Variants in MEGF9 observed in about 807,000 individuals in gnomAD.
The protein encoded by MEGF9 is multiple EGF like domains 9, also known as multiple epidermal growth factor-like domains protein 9.
A neutral mutation model predicts 46.8 loss-of-function variants in MEGF9; 6 were observed. That is an observed-to-expected ratio of 0.13 (90% CI 0.07 to 0.25). The LOEUF is 0.25. Ranked by LOEUF, MEGF9 falls within the 10% of genes least tolerant of loss-of-function variation. The probability of loss-of-function intolerance (pLI) is 1.00; values close to 1 mark genes in which losing one functional copy is unlikely to be tolerated. For synonymous variants in MEGF9, 302 were observed against 330.7 expected, an observed-to-expected ratio of 0.91 and a Z score of 0.94; for missense variants, 683 against 792.4, an observed-to-expected ratio of 0.86 and a Z score of 1.66.
chr9:120,713,684 GGCAAGA>G, intron 1 of MEGF9, 68 bp downstream of exon 1: 1 of 1,244,266 alleles, frequency 8.0e-7, no homozygotes, highest in Non-Finnish European at 1.0e-6. Flanking sequence ...ATAAATTATA[GGCAAGA>G]GCCCAACCCT....
Position 120,647,636 on chromosome 9 carries a change from T to TA in MEGF9, c.803+11737dup, listed in dbSNP as rs1036669483. 1.4e-4 allele frequency among the ~76,000 whole-genome samples: 21 copies of TA among 151,976 alleles called. No homozygotes were observed. In the East Asian group the frequency reaches 2.1e-3, roughly 15 times the overall value. On this transcript the variant is annotated intron_variant, in intron 2 of 5. Transcript: ENST00000373930. Reference sequence around the variant, plus strand: ...GGTACAGAGTAAAGTTATCTTAAAATAAAAAAAAGTGAAGTATTGTTCTGC... The same window carrying TA: ...GGTACAGAGTAAAGTTATCTTAAAATAAAAAAAAAGTGAAGTATTGTTCTGC...
intron 2 of MEGF9, among the ~76,000 whole-genome samples, chr9:120,624,359 C>T (rs1381390262): frequency 1.3e-5 from 2 of 152,106 alleles, no homozygotes; most frequent in Non-Finnish European, 2.9e-5. Flanking sequence ...CCTCAAGTAG[C>T]TGGGACTACA....
intron 1 of MEGF9, among the ~76,000 whole-genome samples, chr9:120,703,310 T>C (rs2043913472): frequency 6.6e-6 from 1 of 152,226 alleles, no homozygotes. Flanking sequence ...TTATTAAGAA[T>C]CTATCTGGGC....
chr9:120,692,379 C>G (rs1212659165), intron 1 of MEGF9, among the ~76,000 whole-genome samples: 3 of 152,098 alleles, frequency 2.0e-5, no homozygotes, highest in Non-Finnish European at 4.4e-5. Context: ...AATTCATAAA[C>G]CCTCTATTAT....
In MEGF9 at chr9:120,612,492, C is replaced by T. The variant is rs774703778; in HGVS notation, c.991G>A (p.Glu331Lys). ...CTCTGATAAAATCCTTCTTTACATT[C>T]TTCACAGTGATTTCCTTTGCTATTT... is the stretch of plus-strand genomic sequence containing the variant. Reference protein sequence around the residue: ...QENSKGNHCEECKEGFYQSPD... With the variant: ...QENSKGNHCEKCKEGFYQSPD... Residue 331 changes from glutamate to lysine, a missense_variant, in exon 4 of 6, where the codon GAA (glutamate) becomes AAA (lysine). By Grantham distance (56) the Glu-to-Lys change is moderately conservative. Around this residue, in one of 2 missense-constraint regions of MEGF9, gnomAD observed 313 missense variants for 421.1 expected, o/e 0.74. Transcript: ENST00000373930. The T allele has an allele frequency of 6.2e-7, 1 of 1,612,288 alleles. No individual in the cohort carries two copies. The highest frequency in any genetic ancestry group is 1.1e-5 in the South Asian group (1 of 90,890).
chr9:120,666,812 A>T (rs1257701542), intron 1 of MEGF9, among the ~76,000 whole-genome samples: 1 of 152,188 alleles, frequency 6.6e-6, no homozygotes, highest in African/African-American at 2.4e-5. Context: ...CCATTCATCA[A>T]TAAAAAGGAA....
At position 120,605,291 on chromosome 9, in the gene MEGF9, G is replaced by A. The variant is rs1446474675; in HGVS notation, c.1708C>T (p.Pro570Ser). The change falls in exon 6 of 6, where the codon CCC (proline) becomes TCC (serine). Residue 570 changes from proline to serine, a missense_variant. Physicochemically the swap from Pro to Ser is moderately conservative, Grantham distance 74. Around this residue, in one of 2 missense-constraint regions of MEGF9, gnomAD observed 313 missense variants for 421.1 expected, o/e 0.74. Coordinates refer to ENST00000373930, the MANE Select transcript of MEGF9 (RefSeq NM_001080497.3). This position sits in a 1 kb window ranked among gnomAD's most constrained non-coding sequence, Gnocchi z 4.0. ...AACAATCCCGAAACATCTGCATTGG[G>A]AATGCTGTCATGGTAGCTGCTGAAA... ...ISFSSYHDSI[P>S]NADVSGLLED... The A allele has an allele frequency of 5.6e-6, 9 of 1,613,996 alleles. No individual in the cohort carries two copies. Among genetic ancestry groups the A allele is most frequent in the Non-Finnish European group, 7.6e-6 (9 of 1,179,880 alleles).
chr9:120,658,914 A>C (rs1358325165), intron 2 of MEGF9, among the ~76,000 whole-genome samples: 1 of 152,250 alleles, frequency 6.6e-6, no homozygotes, highest in East Asian at 1.9e-4. Context: ...TAAATAAATT[A>C]GGGTACCCCC....
At chr9:120,615,738 T>C (rs943254726) in intron 3 of MEGF9, among the ~76,000 whole-genome samples, 23 of 151,668 alleles carry the variant, frequency 1.5e-4, no homozygotes, top group Admixed American at 7.9e-4. Flanking sequence ...CTACAAAAAA[T>C]ACAAAAATTA....
In MEGF9 at chr9:120,607,779, C is replaced by T; in HGVS notation, c.1319G>A (p.Gly440Asp). Residue 440 changes from glycine to aspartate, a missense_variant, in exon 5 of 6, where the codon GGT (glycine) becomes GAT (aspartate). Around this residue, in one of 2 missense-constraint regions of MEGF9, gnomAD observed 313 missense variants for 421.1 expected, o/e 0.74. Transcript: ENST00000373930. ...ATTTCCCTCGAGGTCGTGAACATAA[C>T]CTTCTAGGCAGTTCTCACACCAAAA... ...TGFWCENCLE[G>D]YVHDLEGNCI... The T allele has an allele frequency of 6.2e-7, 1 of 1,613,720 alleles. No individual in the cohort carries two copies. The highest frequency in any genetic ancestry group is 8.5e-7 in the Non-Finnish European group (1 of 1,179,644).
At chr9:120,623,176 C>G (rs1564414292) in intron 2 of MEGF9, among the ~76,000 whole-genome samples, 1 of 152,184 alleles carries the variant, frequency 6.6e-6, no homozygotes, top group African/African-American at 2.4e-5. Context: ...TAAGTCAAGT[C>G]TATTCATACA....
At chr9:120,620,471 C>T (rs2043494149) in intron 3 of MEGF9, among the ~76,000 whole-genome samples, 1 of 151,946 alleles carries the variant, frequency 6.6e-6, no homozygotes. Flanking sequence ...ATGAGTGAGC[C>T]ATATGTGACT....
intron 1 of MEGF9, among the ~76,000 whole-genome samples, chr9:120,691,173 A>G (rs561240764): frequency 6.6e-6 from 1 of 152,268 alleles, no homozygotes; most frequent in South Asian, 2.1e-4. Flanking sequence ...ATAACAACAA[A>G]AAAAGCCACC....
intron 2 of MEGF9, among the ~76,000 whole-genome samples, chr9:120,630,114 G>C (rs935851948): frequency 7.2e-5 from 11 of 152,222 alleles, no homozygotes; most frequent in Middle Eastern, 3.4e-3. Flanking sequence ...ATGGGGTACA[G>C]TGTGGTATGT....
chr9:120,695,353 C>A (rs1352682175), intron 1 of MEGF9, among the ~76,000 whole-genome samples: 2 of 152,116 alleles, frequency 1.3e-5, no homozygotes, highest in South Asian at 2.1e-4. Flanking sequence ...CGCCTGTAAT[C>A]CCAACACTTT....
chr9:120,608,019 G>T lies in MEGF9; in HGVS notation c.1088-9C>A. The T allele has an allele frequency of 1.2e-6, 2 of 1,613,126 alleles. No homozygotes were observed. Among genetic ancestry groups the T allele is most frequent in the South Asian group, 1.1e-5 (1 of 91,080 alleles). On this transcript the variant is annotated splice_polypyrimidine_tract_variant and intron_variant, in intron 4 of 5. Transcript: ENST00000373930. ...TTCCAATTCACTCGATTCTAAAAGA[G>T]AGAATGCCAAAATAGTTTAGTACAG...
chr9:120,662,392 T>A (rs2043706523), intron 1 of MEGF9, among the ~76,000 whole-genome samples: 1 of 152,228 alleles, frequency 6.6e-6, no homozygotes, highest in Non-Finnish European at 1.5e-5. Context: ...CCATAAACTC[T>A]AACTGTACTG....
intron 4 of MEGF9, among the ~76,000 whole-genome samples, chr9:120,609,740 T>G (rs1476041758): frequency 6.6e-6 from 1 of 152,150 alleles, no homozygotes; most frequent in Non-Finnish European, 1.5e-5. Flanking sequence ...GTTCTTTCCT[T>G]AGAATTTACT....
At chr9:120,636,788 G>A (rs996990206) in intron 2 of MEGF9, among the ~76,000 whole-genome samples, 5 of 151,556 alleles carry the variant, frequency 3.3e-5, no homozygotes, top group South Asian at 2.1e-4. Context: ...GAGCCCGTCC[G>A]CCCGGCAGCC....
Sources: allele counts gnomAD v4.1 joint callset (sites outside exome capture counted in the v4.1 genomes callset), GRCh38; gene constraint gnomAD v4.1.1; regional missense constraint gnomAD v4.1.1; non-coding constraint Gnocchi (gnomAD v3.1); transcripts MANE v1.5; gene names NCBI Gene and HGNC (gene_info 2026-07-23, HGNC 2026-07-21).